The following CPVL variants were observed in gnomAD, a reference collection of about 807,000 sequenced individuals.
The protein encoded by CPVL is probable serine carboxypeptidase CPVL.
In CPVL, 51 loss-of-function variants were observed where a neutral mutation model predicts 63.7. That is an observed-to-expected ratio of 0.80 (90% CI 0.64 to 1.01). The LOEUF is 1.01. CPVL is among the 50% of genes least tolerant of loss of function. The pLI is 0.00. For missense variants in CPVL, 530 were observed against 573.1 expected, an observed-to-expected ratio of 0.92 and a Z score of 0.77; for synonymous variants, 195 against 206.0, an observed-to-expected ratio of 0.95 and a Z score of 0.46.
At chr7:29,049,172 C>G (rs1034974016) in intron 11 of CPVL, among the ~76,000 whole-genome samples, 10 of 151,632 alleles carry the variant, frequency 6.6e-5, no homozygotes, top group African/African-American at 2.4e-4. Flanking sequence ...TAACCAAGAT[C>G]AGAACAGAAA....
intron 5 of CPVL, among the ~76,000 whole-genome samples, chr7:29,179,985 A>T (rs375479980): frequency 6.6e-6 from 1 of 152,224 alleles, no homozygotes; most frequent in Admixed American, 6.5e-5. Context: ...GTATTTTCAA[A>T]TGATTATATT....
chr7:29,181,867 GA>G lies in CPVL; in HGVS notation c.-133-456del, dbSNP rs144323053. 9.4e-3 allele frequency among the ~76,000 whole-genome samples: 1,428 copies of G among 152,190 alleles called. 19 individuals carry two copies. Among genetic ancestry groups the G allele is most frequent in the African/African-American group, 0.029 (1,219 of 41,520 alleles). On this transcript the variant is annotated intron_variant, in intron 4 of 16. Transcript: ENST00000409850. ...CTAAACTGCTAATTCCTAAGGGGGG[GA>G]AAAGTACCTAAGTATTTATTCATGG...
At chr7:29,072,595 A>G (rs1445797514) in intron 7 of CPVL, among the ~76,000 whole-genome samples, 172 bp from the exon 8 acceptor site, 1 of 152,214 alleles carries the variant, frequency 6.6e-6, no homozygotes, top group Non-Finnish European at 1.5e-5. Flanking sequence ...CTGTCTTCCA[A>G]TTCTTTTGTC....
upstream of CPVL, chr7:29,146,799 G>C (rs1198980453): frequency 1.3e-6 from 2 of 1,549,472 alleles, no homozygotes; most frequent in South Asian, 2.4e-5. Flanking sequence ...TTTAAAAGCT[G>C]CTATCTTAAA....
At chr7:29,168,973 A>C (rs1324135911) in intron 5 of CPVL, among the ~76,000 whole-genome samples, 3 of 152,200 alleles carry the variant, frequency 2.0e-5, no homozygotes, top group Non-Finnish European at 4.4e-5. Context: ...ATGTATAATA[A>C]ATTCTATTTG....
intron 5 of CPVL, 115 bp downstream of exon 5, chr7:29,094,969 T>C: frequency 2.6e-6 from 2 of 766,676 alleles, no homozygotes; most frequent in Non-Finnish European, 4.3e-6. Flanking sequence ...ACAGATTAAA[T>C]TCTATTTTCA....
intron 3 of CPVL, among the ~76,000 whole-genome samples, chr7:29,106,043 T>G (rs1787685458): frequency 6.6e-6 from 1 of 152,144 alleles, no homozygotes. Flanking sequence ...AAGGTATGGT[T>G]GCAGCCTTCT....
At chr7:29,060,177 A>T (rs1391765206) in intron 11 of CPVL, among the ~76,000 whole-genome samples, 1 of 128,792 alleles carries the variant, frequency 7.8e-6, no homozygotes, top group Non-Finnish European at 1.8e-5. Context: ...TATATATATA[A>T]ATAAGCACCT....
intron 9 of CPVL, among the ~76,000 whole-genome samples, 153 bp from the exon 10 acceptor site, chr7:29,066,274 G>T (rs1371472340): frequency 1.3e-5 from 2 of 152,198 alleles, no homozygotes; most frequent in Non-Finnish European, 1.5e-5. Context: ...CTCTGTGCTA[G>T]ACACTGTCAT....
At chr7:29,119,831 T>C (rs933009281) in intron 2 of CPVL, among the ~76,000 whole-genome samples, 1 of 152,172 alleles carries the variant, frequency 6.6e-6, no homozygotes, top group South Asian at 2.1e-4. Context: ...CCAGCTGATA[T>C]CTGCATGAAC....
chr7:29,023,893 C>T (rs1271777714), intron 12 of CPVL, among the ~76,000 whole-genome samples: 1 of 152,116 alleles, frequency 6.6e-6, no homozygotes, highest in Non-Finnish European at 1.5e-5. Context: ...GACTGTTACA[C>T]CAGATTCACA....
At chr7:29,173,797 C>T (rs59148785) in intron 5 of CPVL, among the ~76,000 whole-genome samples, 22 of 150,228 alleles carry the variant, frequency 1.5e-4, no homozygotes, top group African/African-American at 4.9e-4. Context: ...AAAAATTAGT[C>T]GAGTGTGGTG....
chr7:29,025,228 A>C (rs1035980662), intron 12 of CPVL, among the ~76,000 whole-genome samples: 8 of 117,448 alleles, frequency 6.8e-5, no homozygotes, highest in African/African-American at 2.5e-4. Flanking sequence ...TTTATAAAGG[A>C]AAGAGGTTTA....
At chr7:29,168,204 C>T (rs533310353) in intron 5 of CPVL, among the ~76,000 whole-genome samples, 2 of 152,250 alleles carry the variant, frequency 1.3e-5, no homozygotes, top group East Asian at 3.9e-4. Context: ...TTTTTTATTT[C>T]ATAAAATGTC....
intron 9 of CPVL, among the ~76,000 whole-genome samples, chr7:29,069,795 T>C (rs1193029326): frequency 1.7e-5 from 2 of 119,902 alleles, no homozygotes; most frequent in African/African-American, 5.3e-5. Flanking sequence ...TGTGTGTGTG[T>C]GTGTGTGTGT....
chr7:29,013,376 G>A (rs1451959452), intron 12 of CPVL: 1 of 148,008 alleles, frequency 6.8e-6, no homozygotes, highest in Non-Finnish European at 1.5e-5. Context: ...CTAAGTTTTG[G>A]AGTGATTTAT....
intron 9 of CPVL, among the ~76,000 whole-genome samples, chr7:29,067,493 C>T (rs139826074): frequency 7.2e-5 from 11 of 152,214 alleles, no homozygotes; most frequent in African/African-American, 2.2e-4. Flanking sequence ...ACCTACTCCA[C>T]CTATGAACCA....
chr7:29,022,011 C>T (rs1787040601), intron 12 of CPVL, among the ~76,000 whole-genome samples: 1 of 152,134 alleles, frequency 6.6e-6, no homozygotes, highest in Non-Finnish European at 1.5e-5. Context: ...GGAGGCTGCC[C>T]TAGGGACAAA....
At chr7:29,007,042 C>T (rs1037689469) in intron 12 of CPVL, among the ~76,000 whole-genome samples, 4 of 152,172 alleles carry the variant, frequency 2.6e-5, no homozygotes, top group Non-Finnish European at 4.4e-5. Flanking sequence ...AAATATCATT[C>T]TCCATGTGTG....
Sources: allele counts gnomAD v4.1 joint callset (sites outside exome capture counted in the v4.1 genomes callset), GRCh38; gene constraint gnomAD v4.1.1; transcripts MANE v1.5; gene names NCBI Gene and HGNC (gene_info 2026-07-23, HGNC 2026-07-21).